CDKL1: variants seen among roughly 807,000 people sequenced by gnomAD.
CDKL1 encodes the protein cyclin-dependent kinase-like 1.
In CDKL1, 41 loss-of-function variants were observed where a neutral mutation model predicts 42.0. The ratio of observed to expected loss-of-function variants is 0.98; its 90% CI spans 0.76 to 1.27. The LOEUF (loss-of-function observed/expected upper bound fraction) is 1.27. Ranked by LOEUF, CDKL1 falls within the 50% of genes most tolerant of loss-of-function variation. CDKL1 has a pLI of 0.00. For synonymous variants in CDKL1, 153 were observed against 158.6 expected, an observed-to-expected ratio of 0.96 and a Z score of 0.26; for missense variants, 394 against 428.4, an observed-to-expected ratio of 0.92 and a Z score of 0.71.
chr14:50,381,871 C>G (rs1365326262), intron 2 of CDKL1, among the ~76,000 whole-genome samples: 3 of 152,134 alleles, frequency 2.0e-5, no homozygotes, highest in Non-Finnish European at 4.4e-5. Flanking sequence ...CTCCTGGGCT[C>G]AAGCTATCCT....
chr14:50,378,382 A>C, intron 2 of CDKL1: 1 of 1,366,542 alleles, frequency 7.3e-7, no homozygotes, highest in Admixed American at 1.9e-5. Context: ...CCTCATAGGT[A>C]CCAGCAGCCG....
At chr14:50,363,152 A>G (rs2034330285) in intron 2 of CDKL1, 1 of 237,276 alleles carries the variant, frequency 4.2e-6, no homozygotes, top group African/African-American at 2.2e-5. Flanking sequence ...GAAGGAAGAA[A>G]CTCAACACAT....
intron 3 of CDKL1, among the ~76,000 whole-genome samples, chr14:50,349,739 CTTT>C (rs869123923): frequency 3.4e-5 from 3 of 87,610 alleles, no homozygotes; most frequent in African/African-American, 7.0e-5. Context: ...TCTCTCTTGT[CTTT>C]TTGTTGTTGT....
At chr14:50,342,429 A>T (rs1283277221) in intron 4 of CDKL1, 4 of 1,335,666 alleles carry the variant, frequency 3.0e-6, no homozygotes, top group Non-Finnish European at 1.9e-6. Context: ...GGCCCAAAAG[A>T]GCCAAGAAGA....
chr14:50,335,340 A>T, intron 7 of CDKL1: 3 of 546,042 alleles, frequency 5.5e-6, no homozygotes, highest in Non-Finnish European at 6.4e-6. Flanking sequence ...AATTCTAATT[A>T]TATAAAGGGA....
intron 8 of CDKL1, chr14:50,332,660 T>G: frequency 1.3e-6 from 2 of 1,532,098 alleles, no homozygotes; most frequent in Non-Finnish European, 1.7e-6. Context: ...TTTCTCCACC[T>G]TATTCTGTTC....
intron 2 of CDKL1, chr14:50,377,643 T>G: frequency 1.6e-6 from 2 of 1,264,288 alleles, no homozygotes; most frequent in African/African-American, 2.9e-5. Context: ...ATAAGTGGGG[T>G]GGGAGGAGCC....
At chr14:50,336,022 G>GTTCT in intron 7 of CDKL1, 2 of 1,366,478 alleles carry the variant, frequency 1.5e-6, no homozygotes, top group Non-Finnish European at 2.0e-6. Context: ...TATTTCTCTT[G>GTTCT]TTCTTTCTGT....
intron 4 of CDKL1, 50 bp from the exon 5 acceptor site, chr14:50,342,272 G>A: frequency 1.9e-6 from 3 of 1,543,552 alleles, no homozygotes; most frequent in Non-Finnish European, 2.7e-6. Context: ...AACTATATAT[G>A]GGATAAATGA....
chr14:50,397,041 A>C, upstream of CDKL1: 2 of 1,296,104 alleles, frequency 1.5e-6, no homozygotes, highest in Non-Finnish European at 2.0e-6. Context: ...CCCTCCGTCC[A>C]TGGGAGCTGT....
chr14:50,346,409 A>G (rs574964247), intron 3 of CDKL1, among the ~76,000 whole-genome samples: 23 of 152,118 alleles, frequency 1.5e-4, no homozygotes, highest in Non-Finnish European at 3.1e-4. Context: ...AAGGCTTAGA[A>G]AAATGCAACT....
chr14:50,330,514 TTGTC>T (rs1180199729), intron 9 of CDKL1: 1 of 248,234 alleles, frequency 4.0e-6, no homozygotes, highest in Non-Finnish European at 7.7e-6. Context: ...AGCCAATGCC[TTGTC>T]TTATAGCGGA....
intron 2 of CDKL1, among the ~76,000 whole-genome samples, chr14:50,361,480 C>T (rs1431970196): frequency 2.6e-5 from 4 of 152,210 alleles, no homozygotes; most frequent in Non-Finnish European, 2.9e-5. Flanking sequence ...CTTACAGTTC[C>T]GCATGCTGGG....
At chr14:50,348,652 TGGCCC>T (rs1052963397) in intron 3 of CDKL1, among the ~76,000 whole-genome samples, 9 of 152,238 alleles carry the variant, frequency 5.9e-5, no homozygotes, top group Non-Finnish European at 1.2e-4. Flanking sequence ...CACCAGCAAA[TGGCCC>T]AGCTAGAAAA....
chr14:50,353,330 T>C (rs1037824638), intron 3 of CDKL1, among the ~76,000 whole-genome samples: 6 of 152,204 alleles, frequency 3.9e-5, no homozygotes, highest in African/African-American at 9.7e-5. Flanking sequence ...TCGGAGATGA[T>C]GAAGAAATAA....
At chr14:50,380,522 C>T (rs2034873752) in intron 2 of CDKL1, among the ~76,000 whole-genome samples, 1 of 152,248 alleles carries the variant, frequency 6.6e-6, no homozygotes, top group African/African-American at 2.4e-5. Flanking sequence ...GACAGCAGTT[C>T]ACACTCACTG....
intron 4 of CDKL1, chr14:50,342,778 G>A (rs1170296799): frequency 2.3e-6 from 2 of 859,594 alleles, no homozygotes; most frequent in Non-Finnish European, 3.1e-6. Flanking sequence ...TCGTAAACAG[G>A]ACAAGCCCTG....
At chr14:50,351,186 C>T (rs558670922) in intron 3 of CDKL1, among the ~76,000 whole-genome samples, 2 of 151,882 alleles carry the variant, frequency 1.3e-5, no homozygotes, top group African/African-American at 2.4e-5. Flanking sequence ...TCAAAATAAG[C>T]AAGTAAACCC....
chr14:50,332,820 C>A, intron 8 of CDKL1: 1 of 634,912 alleles, frequency 1.6e-6, no homozygotes, highest in Non-Finnish European at 2.7e-6. Context: ...GATATTTACA[C>A]ATGATAACAA....
Sources: allele counts gnomAD v4.1 joint callset (sites outside exome capture counted in the v4.1 genomes callset), GRCh38; gene constraint gnomAD v4.1.1; transcripts MANE v1.5; gene names NCBI Gene and HGNC (gene_info 2026-07-23, HGNC 2026-07-21).